CNTN5: variants seen among roughly 807,000 people sequenced by gnomAD.
The protein encoded by CNTN5 is contactin 5, also known as contactin-5.
Under a neutral mutation model 129.1 loss-of-function variants are expected in CNTN5, and 77 were observed. The observed-to-expected ratio is 0.60, with a 90% CI of 0.50 to 0.72. The LOEUF is 0.72. Ranked by LOEUF, CNTN5 falls within the 30% of genes least tolerant of loss-of-function variation. The pLI is 0.00. For synonymous variants in CNTN5, 509 were observed against 465.6 expected (o/e 1.09, Z -1.20); for missense variants, 1,478 against 1,328.8 (o/e 1.11, Z -1.75).
At chr11:99,428,441 G>C (rs902918864) in intron 2 of CNTN5, among the ~76,000 whole-genome samples, 1 of 151,128 alleles carries the variant, frequency 6.6e-6, no homozygotes, top group Non-Finnish European at 1.5e-5. Context: ...TGTCCCTGTA[G>C]TCCCACCTAT....
At chr11:99,929,537 C>T (rs549108989) in intron 7 of CNTN5, among the ~76,000 whole-genome samples, 11 of 152,216 alleles carry the variant, frequency 7.2e-5, no homozygotes, top group South Asian at 4.1e-4. Flanking sequence ...GGGAGGCCTC[C>T]GGAAACTTAC....
chr11:99,066,440 G>A (rs1591133451), intron 1 of CNTN5, among the ~76,000 whole-genome samples: 1 of 152,084 alleles, frequency 6.6e-6, no homozygotes, highest in Non-Finnish European at 1.5e-5. Context: ...ACTGCTGATT[G>A]TAAGTACCTA....
chr11:99,558,923 A>T (rs1948755629), intron 3 of CNTN5, among the ~76,000 whole-genome samples: 1 of 152,034 alleles, frequency 6.6e-6, no homozygotes, highest in Admixed American at 6.6e-5. Context: ...TGCTGTAGAT[A>T]TCTGTTTAAA....
rs1235926316 is a variant in CNTN5 at position 99,631,326 on chromosome 11, T to C, written c.55+75057T>C. ...TGTTTCAGACCCATATAATGAGCCA[T>C]TTATGTACAGTGTAATATCAACCTG... On this transcript the variant is annotated intron_variant, in intron 3 of 24. Transcript: ENST00000524871. Among the ~76,000 whole-genome samples the C allele has an allele frequency of 5.3e-5, 8 of 152,108 alleles. No homozygotes were observed. The South Asian group carries it at 1.4e-3, about 28-fold the overall frequency.
chr11:99,142,378 G>A (rs1194448539), intron 1 of CNTN5, among the ~76,000 whole-genome samples: 2 of 152,122 alleles, frequency 1.3e-5, no homozygotes, highest in African/African-American at 4.8e-5. Flanking sequence ...GTGCATGCCG[G>A]CAAAGCAGCA....
chr11:99,510,079 C>T (rs987491321), intron 2 of CNTN5, among the ~76,000 whole-genome samples: 1 of 151,756 alleles, frequency 6.6e-6, no homozygotes, highest in Non-Finnish European at 1.5e-5. Context: ...TGGCAGATTA[C>T]TTAAAACAGT....
At chr11:99,202,488 G>T (rs1307384890) in intron 1 of CNTN5, among the ~76,000 whole-genome samples, 1 of 152,072 alleles carries the variant, frequency 6.6e-6, no homozygotes, top group Non-Finnish European at 1.5e-5. Context: ...TACCAGAAGT[G>T]CAGGAAAAAT....
chr11:99,568,316 G>T (rs1464293873), intron 3 of CNTN5, among the ~76,000 whole-genome samples: 1 of 152,122 alleles, frequency 6.6e-6, no homozygotes, highest in Admixed American at 6.5e-5. Context: ...ATAAAGTAAT[G>T]CTCCAATAAT....
chr11:99,259,906 A>G (rs1426992456), intron 1 of CNTN5, among the ~76,000 whole-genome samples: 3 of 151,804 alleles, frequency 2.0e-5, no homozygotes. Flanking sequence ...ACCATTTCAT[A>G]TATTTTGGTC....
At chr11:99,553,992 A>ACACT (rs71046701) in intron 2 of CNTN5, among the ~76,000 whole-genome samples, 6 of 133,568 alleles carry the variant, frequency 4.5e-5, no homozygotes, top group Non-Finnish European at 1.5e-5. Flanking sequence ...ACACACACAC[A>ACACT]CACATACACA....
At chr11:99,207,279 T>C (rs1266883731) in intron 1 of CNTN5, among the ~76,000 whole-genome samples, 1 of 152,142 alleles carries the variant, frequency 6.6e-6, no homozygotes. Context: ...ACAATAATTA[T>C]AGTAGCAGCT....
At chr11:99,065,929 CTG>C (rs1175622829) in intron 1 of CNTN5, among the ~76,000 whole-genome samples, 1 of 152,138 alleles carries the variant, frequency 6.6e-6, no homozygotes, top group Non-Finnish European at 1.5e-5. Context: ...TACCTTGACT[CTG>C]TTGTGAAAAC....
chr11:99,227,431 C>T (rs1472508234), intron 1 of CNTN5, among the ~76,000 whole-genome samples: 3 of 151,378 alleles, frequency 2.0e-5, no homozygotes, highest in Admixed American at 1.3e-4. Context: ...CTCAATTTAT[C>T]GTGTAGAGGA....
chr11:99,813,347 C>A (rs944100049), intron 3 of CNTN5, among the ~76,000 whole-genome samples: 1 of 152,018 alleles, frequency 6.6e-6, no homozygotes, highest in African/African-American at 2.4e-5. Context: ...TAAGTGACAG[C>A]TCTTGGGGTG....
At chr11:99,956,167 A>G (rs1359375080) in intron 7 of CNTN5, among the ~76,000 whole-genome samples, 1 of 152,096 alleles carries the variant, frequency 6.6e-6, no homozygotes, top group African/African-American at 2.4e-5. Flanking sequence ...AAGCTTATGA[A>G]GTACGTAATA....
At chr11:99,256,719 A>G (rs1473611477) in intron 1 of CNTN5, among the ~76,000 whole-genome samples, 2 of 152,086 alleles carry the variant, frequency 1.3e-5, no homozygotes. Context: ...TACAGCATAT[A>G]AAATAAAATT....
intron 3 of CNTN5, among the ~76,000 whole-genome samples, chr11:99,801,438 C>G (rs1946110876): frequency 1.3e-5 from 2 of 152,226 alleles, no homozygotes; most frequent in East Asian, 3.9e-4. Context: ...TAGTATCTTG[C>G]AGTTGTTCTC....
chr11:99,293,674 CATTT>C (rs939368216), intron 1 of CNTN5, among the ~76,000 whole-genome samples: 2 of 152,030 alleles, frequency 1.3e-5, no homozygotes, highest in Non-Finnish European at 2.9e-5. Flanking sequence ...CAAATTTAAC[CATTT>C]ATTCTAGGCT....
intron 4 of CNTN5, among the ~76,000 whole-genome samples, chr11:99,825,140 G>C (rs1365315374): frequency 6.6e-6 from 1 of 151,992 alleles, no homozygotes; most frequent in Non-Finnish European, 1.5e-5. Context: ...AAAATTGCTT[G>C]TGTGCTTAGG....
Sources: allele counts gnomAD v4.1 joint callset (sites outside exome capture counted in the v4.1 genomes callset), GRCh38; gene constraint gnomAD v4.1.1; transcripts MANE v1.5; gene names NCBI Gene and HGNC (gene_info 2026-07-23, HGNC 2026-07-21).